The following ADCY2 variants were observed in gnomAD, a reference collection of about 807,000 sequenced individuals.
The protein encoded by ADCY2 is adenylate cyclase 2.
A neutral mutation model predicts 125.2 loss-of-function variants in ADCY2; 31 were observed. The observed-to-expected ratio is 0.25, with a 90% confidence interval of 0.19 to 0.33. The LOEUF (loss-of-function observed/expected upper bound fraction) is 0.33. ADCY2 is among the 10% of genes least tolerant of loss of function. The pLI, the probability that ADCY2 is intolerant of heterozygous loss-of-function variation, is 1.00. For synonymous variants in ADCY2, 512 were observed against 548.4 expected, an observed-to-expected ratio of 0.93 and a Z score of 0.93; for missense variants, 904 against 1,418.2, an observed-to-expected ratio of 0.64 and a Z score of 5.82.
intron 2 of ADCY2, among the ~76,000 whole-genome samples, chr5:7,469,959 A>G (rs892343152): frequency 6.6e-6 from 1 of 151,588 alleles, no homozygotes; most frequent in Non-Finnish European, 1.5e-5. Context: ...GACCCATCTT[A>G]TTCTCAAAAT....
chr5:7,532,159 T>C (rs754125269), intron 3 of ADCY2, among the ~76,000 whole-genome samples: 1 of 152,190 alleles, frequency 6.6e-6, no homozygotes, highest in Non-Finnish European at 1.5e-5. Context: ...CTATCATCCA[T>C]AGAGCAAACA....
intron 4 of ADCY2, among the ~76,000 whole-genome samples, chr5:7,640,222 G>C (rs983364943): frequency 2.6e-5 from 4 of 151,986 alleles, no homozygotes; most frequent in African/African-American, 7.3e-5. Flanking sequence ...AACGAGTCAA[G>C]GAAAAAAATG....
intron 4 of ADCY2, among the ~76,000 whole-genome samples, chr5:7,662,797 G>A (rs1739577717): frequency 2.6e-5 from 4 of 152,156 alleles, no homozygotes; most frequent in African/African-American, 9.7e-5. Context: ...TTCATGAAAG[G>A]GCTTTACAGA....
At chr5:7,412,124 C>T (rs1235192116) in intron 1 of ADCY2, among the ~76,000 whole-genome samples, 1 of 152,036 alleles carries the variant, frequency 6.6e-6, no homozygotes, top group Non-Finnish European at 1.5e-5. Flanking sequence ...CATTCCGTTT[C>T]TTCTCTGCTT....
chr5:7,546,350 C>G (rs1280525745), intron 3 of ADCY2, among the ~76,000 whole-genome samples: 2 of 152,218 alleles, frequency 1.3e-5, no homozygotes, highest in Admixed American at 1.3e-4. Flanking sequence ...GGCTTCCTAT[C>G]TGGAGCAAGC....
intron 3 of ADCY2, among the ~76,000 whole-genome samples, chr5:7,588,999 A>G (rs1182869162): frequency 6.6e-6 from 1 of 152,228 alleles, no homozygotes; most frequent in African/African-American, 2.4e-5. Flanking sequence ...AACCTTCACT[A>G]TCCAACAGCT....
rs1396343069 is a variant in ADCY2 at position 7,526,261 on chromosome 5, A to G, written c.570+5362A>G. On this transcript the variant is annotated intron_variant, in intron 3 of 24. Transcript: ENST00000338316. The stretch of plus-strand genomic sequence containing the variant: ...ATGCTTCCTTACGGGGCCTTGTCTG[A>G]TGGCTTTAGGGCTGAATCATGCAGG... Among the ~76,000 whole-genome samples, 3 of 152,140 alleles carry G rather than the reference A, an allele frequency of 2.0e-5. 1 individual carries two copies. Among genetic ancestry groups the G allele is most frequent in the Non-Finnish European group, 4.4e-5 (3 of 68,022 alleles).
chr5:7,712,976 G>A (rs1741486598), intron 11 of ADCY2, 77 bp downstream of exon 11: 2 of 1,161,400 alleles, frequency 1.7e-6, no homozygotes. Context: ...CATCAATTAT[G>A]GTAATTTCAA....
intron 16 of ADCY2, among the ~76,000 whole-genome samples, chr5:7,765,111 T>C (rs1020446124): frequency 1.3e-5 from 2 of 152,212 alleles, no homozygotes; most frequent in African/African-American, 2.4e-5. Context: ...CAAAGTAAAC[T>C]ACTCATTCAT....
At chr5:7,593,888 A>C (rs887857399) in intron 3 of ADCY2, among the ~76,000 whole-genome samples, 2 of 152,140 alleles carry the variant, frequency 1.3e-5, no homozygotes, top group Admixed American at 1.3e-4. Context: ...TGGAGAGAGG[A>C]GATGTAAAAG....
intron 2 of ADCY2, among the ~76,000 whole-genome samples, chr5:7,431,026 GCAA>G (rs1740578899): frequency 6.6e-6 from 1 of 152,054 alleles, no homozygotes; most frequent in Non-Finnish European, 1.5e-5. Flanking sequence ...TGAAGTCCCA[GCAA>G]GCTTTTTCAT....
chr5:7,507,395 CATA>C (rs1743871704), intron 2 of ADCY2, among the ~76,000 whole-genome samples: 21 of 116,920 alleles, frequency 1.8e-4, no homozygotes, highest in African/African-American at 2.4e-4. Flanking sequence ...GAGCCGAGAT[CATA>C]CCACTGCACT....
intron 2 of ADCY2, among the ~76,000 whole-genome samples, chr5:7,493,856 G>A (rs976538679): frequency 1.3e-5 from 2 of 152,124 alleles, no homozygotes; most frequent in African/African-American, 4.8e-5. Context: ...GGGAAGGCAG[G>A]TTGAGGCAGA....
intron 4 of ADCY2, among the ~76,000 whole-genome samples, chr5:7,654,434 G>T (rs1388228667): frequency 2.6e-5 from 4 of 152,176 alleles, no homozygotes; most frequent in Non-Finnish European, 4.4e-5. Context: ...CATGGATGTT[G>T]TGGAGAGGTA....
intron 2 of ADCY2, among the ~76,000 whole-genome samples, chr5:7,471,494 A>G (rs1742336081): frequency 6.6e-6 from 1 of 151,980 alleles, no homozygotes; most frequent in Non-Finnish European, 1.5e-5. Flanking sequence ...ACTTATAACA[A>G]TAGACTCCCA....
chr5:7,651,693 G>A (rs1032258782), intron 4 of ADCY2, among the ~76,000 whole-genome samples: 4 of 152,042 alleles, frequency 2.6e-5, no homozygotes, highest in Admixed American at 1.3e-4. Context: ...AGACACACCC[G>A]GGAGCAACAC....
chr5:7,633,372 GT>G (rs1738390636), intron 4 of ADCY2, among the ~76,000 whole-genome samples: 1 of 150,904 alleles, frequency 6.6e-6, no homozygotes, highest in South Asian at 2.1e-4. Context: ...GGAGGCAGAG[GT>G]TGCAGTGAGC....
intron 1 of ADCY2, among the ~76,000 whole-genome samples, chr5:7,397,244 C>T (rs1162639824): frequency 2.0e-5 from 3 of 152,064 alleles, no homozygotes; most frequent in Non-Finnish European, 2.9e-5. Flanking sequence ...GAGTATAATG[C>T]AGCTCAACAG....
intron 4 of ADCY2, among the ~76,000 whole-genome samples, chr5:7,651,916 C>T (rs1013636384): frequency 6.6e-6 from 1 of 152,112 alleles, no homozygotes; most frequent in African/African-American, 2.4e-5. Context: ...GATTCTCCTG[C>T]CTCAACCTCC....
Sources: allele counts gnomAD v4.1 joint callset (sites outside exome capture counted in the v4.1 genomes callset), GRCh38; gene constraint gnomAD v4.1.1; transcripts MANE v1.5; gene names NCBI Gene and HGNC (gene_info 2026-07-23, HGNC 2026-07-21).